The following CACNA1I variants were observed in gnomAD, a reference collection of about 807,000 sequenced individuals.
CACNA1I encodes voltage-dependent T-type calcium channel subunit alpha-1I.
In CACNA1I, 74 loss-of-function variants were observed where a neutral mutation model predicts 201.6. The ratio of observed to expected loss-of-function variants is 0.37; its 90% CI spans 0.30 to 0.45. The LOEUF (loss-of-function observed/expected upper bound fraction) is 0.45, where lower values mean the gene tolerates loss of function less well. Ranked by LOEUF, CACNA1I falls within the 20% of genes least tolerant of loss-of-function variation. CACNA1I has a pLI of 1.00. For missense variants in CACNA1I, 2,346 were observed against 3,138.1 expected (o/e 0.75, Z 6.03); for synonymous variants, 1,431 against 1,345.2 (o/e 1.06, Z -1.40).
rs942716634 is a variant in CACNA1I at position 39,652,044 on chromosome 22, T to TA, written c.1992+2119_1992+2120insA. ...AACCTCGGATCTGGTGGAGCCTTTT[T>TA]TTTTTTTGAGATGGAGTCTCACTCT... On this transcript the variant is annotated intron_variant, in intron 10 of 36. Transcript: ENST00000402142. Among the ~76,000 whole-genome samples, 546 of 151,580 alleles carry TA rather than the reference T, an allele frequency of 3.6e-3. 4 individuals are homozygous for TA. Among genetic ancestry groups the TA allele is most frequent in the African/African-American group, 0.013 (525 of 41,332 alleles).
Position 39,646,871 on chromosome 22 carries a change from C to T in CACNA1I, c.1452C>T (p.Pro484=). ...AACCTGGGCCCCACGCCAAGGAGCC[C>T]CGGCACTACCGTAAGTGGCCCTGCA... The part of the protein sequence containing the change: ...PAKPGPHAKE[P]RHYHGKTKGQ... Residue 484 remains proline, a synonymous_variant, in exon 8 of 37, where the codon CCC becomes CCT. Transcript: ENST00000402142. 1.3e-6 allele frequency: 2 copies of T among 1,502,054 alleles called. No homozygotes were observed. The highest frequency in any genetic ancestry group is 2.5e-5 in the East Asian group (1 of 40,492). 93.0% of individuals were successfully genotyped at this position (1,502,054 alleles called of 1,614,324 possible). A position where few individuals can be genotyped will look rare whatever the true frequency, so the allele number is the denominator to read the frequency against.
At chr22:39,641,248 C>A in intron 6 of CACNA1I, 66 bp downstream of exon 6, 1 of 1,410,192 alleles carries the variant, frequency 7.1e-7, no homozygotes, top group Non-Finnish European at 9.9e-7. Flanking sequence ...GTGGGCAGGG[C>A]TCTGTGCTAG....
Position 39,686,197 on chromosome 22 carries a change from G to A in CACNA1I, c.6464G>A (p.Ser2155Asn). ...PGLTPARKFSSTSSLAAPGRP... is the reference protein window; with the variant it reads ...PGLTPARKFSNTSSLAAPGRP... Reference sequence around the variant, plus strand: ...CTCACGCCCGCCAGGAAGTTCAGCAGCACCAGCAGCCTGGCCGCCCCCGGC... The same window carrying A: ...CTCACGCCCGCCAGGAAGTTCAGCAACACCAGCAGCCTGGCCGCCCCCGGC... Residue 2155 changes from serine to asparagine, a missense_variant, in exon 37 of 37, where the codon AGC (serine) becomes AAC (asparagine). Ser to Asn is a conservative substitution (Grantham distance 46, BLOSUM62 1). Transcript: ENST00000402142. 7.9e-7 allele frequency: 1 copy of A among 1,272,854 alleles called. No individual in the cohort carries two copies. Among genetic ancestry groups the A allele is most frequent in the Admixed American group, 3.6e-5 (1 of 27,624 alleles). 78.8% of individuals were successfully genotyped at this position (1,272,854 alleles called of 1,614,324 possible). A position where few individuals can be genotyped will look rare whatever the true frequency, so the allele number is the denominator to read the frequency against.
At chr22:39,592,087 G>C (rs1932829062) in intron 1 of CACNA1I, among the ~76,000 whole-genome samples, 1 of 152,218 alleles carries the variant, frequency 6.6e-6, no homozygotes, top group African/African-American at 2.4e-5. Flanking sequence ...TGAGGGCCCA[G>C]GCTGTGCTGA....
chr22:39,573,943 C>T (rs537532020), intron 1 of CACNA1I, among the ~76,000 whole-genome samples: 10 of 152,246 alleles, frequency 6.6e-5, no homozygotes, highest in African/African-American at 1.2e-4. Context: ...TTTTCAGTCC[C>T]GGGAGCTGCG....
Position 39,584,336 on chromosome 22 carries a change from T to C in CACNA1I, c.236+13348T>C, listed in dbSNP as rs887872946. Among the ~76,000 whole-genome samples the C allele has an allele frequency of 4.6e-5, 7 of 151,754 alleles. No individual in the cohort carries two copies. In the East Asian group the frequency reaches 1.4e-3, roughly 29 times the overall value. On this transcript the variant is annotated intron_variant, in intron 1 of 36. Transcript: ENST00000402142. ...GATGGGGGTGCATCCTTCATGGAGGTGGGACATGCTGGGGGAGAATTTAGT... is the reference window on the plus strand; with the variant it reads ...GATGGGGGTGCATCCTTCATGGAGGCGGGACATGCTGGGGGAGAATTTAGT...
In CACNA1I at chr22:39,684,391, A is replaced by G. The variant is rs1213965714; in HGVS notation, c.5920A>G (p.Lys1974Glu). 5 of 1,613,532 alleles carry G rather than the reference A, an allele frequency of 3.1e-6. No homozygotes were observed. The change falls in exon 36 of 37, where the codon AAA (lysine) becomes GAA (glutamate). Residue 1974 changes from lysine to glutamate, a missense_variant. Coordinates refer to ENST00000402142, the MANE Select transcript of CACNA1I (RefSeq NM_021096.4). This position sits in a 1 kb window ranked among gnomAD's most constrained non-coding sequence, Gnocchi z 4.6. ...FFHPAVSASQKGPEKGTGTGT... is the reference protein window; with the variant it reads ...FFHPAVSASQEGPEKGTGTGT... Reference sequence around the variant, plus strand: ...CCACCCTGCAGTGTCTGCCAGCCAGAAAGGCCCAGAAAAGGGCACTGGCAC... The same window carrying G: ...CCACCCTGCAGTGTCTGCCAGCCAGGAAGGCCCAGAAAAGGGCACTGGCAC...
chr22:39,664,196 C>A (rs372032938), intron 20 of CACNA1I, 37 bp downstream of exon 20: 23 of 1,567,308 alleles, frequency 1.5e-5, no homozygotes, highest in East Asian at 9.1e-5. Context: ...CTGCTAGCCC[C>A]AGCTCGGGCC....
chr22:39,626,156 A>C (rs1014144698), intron 4 of CACNA1I, among the ~76,000 whole-genome samples: 2 of 152,202 alleles, frequency 1.3e-5, no homozygotes, highest in African/African-American at 4.8e-5. Context: ...TTCTGGTCCC[A>C]GGGCCTCCAC....
At chr22:39,602,391 C>T (rs1188076499) in intron 3 of CACNA1I, among the ~76,000 whole-genome samples, 1 of 151,928 alleles carries the variant, frequency 6.6e-6, no homozygotes, top group Non-Finnish European at 1.5e-5. Context: ...CATCTTCTCT[C>T]AATCACTGTA....
At chr22:39,621,613 T>C (rs906088232) in intron 4 of CACNA1I, among the ~76,000 whole-genome samples, 2 of 152,168 alleles carry the variant, frequency 1.3e-5, no homozygotes, top group Non-Finnish European at 2.9e-5. Context: ...AGGGACTGGC[T>C]TGGCTTGGGT....
At chr22:39,639,643 T>C (rs1022208036) in intron 5 of CACNA1I, among the ~76,000 whole-genome samples, 1 of 152,202 alleles carries the variant, frequency 6.6e-6, no homozygotes, top group African/African-American at 2.4e-5. Context: ...AAAAAGTTTA[T>C]TTTTGTGTAT....
At chr22:39,663,664 T>C in intron 18 of CACNA1I, 54 bp from the exon 19 acceptor site, 3 of 1,606,570 alleles carry the variant, frequency 1.9e-6, no homozygotes, top group African/African-American at 1.3e-5. Context: ...GCCTTCCTTC[T>C]GGCCAGGGTG....
At chr22:39,606,778 C>T (rs1933233359) in intron 3 of CACNA1I, among the ~76,000 whole-genome samples, 1 of 152,196 alleles carries the variant, frequency 6.6e-6, no homozygotes, top group South Asian at 2.1e-4. Flanking sequence ...GTGATCCACC[C>T]TCCTCGGCCT....
In CACNA1I at chr22:39,659,127, C is replaced by G. The variant is rs1410493736; in HGVS notation, c.2330+11C>G. ...CATCTTCATCTTCAGGTGAGCCTGC[C>G]CTGCTGGGGGCCATACCTCAGCACC... On this transcript the variant is annotated intron_variant, in intron 12 of 36. Transcript: ENST00000402142. This position sits in a 1 kb window ranked among gnomAD's most constrained non-coding sequence, Gnocchi z 4.3. The G allele has an allele frequency of 1.9e-6, 3 of 1,611,270 alleles. No individual in the cohort carries two copies. Among genetic ancestry groups the G allele is most frequent in the African/African-American group, 1.3e-5 (1 of 74,886 alleles).
intron 4 of CACNA1I, 51 bp from the exon 5 acceptor site, chr22:39,634,514 C>G: frequency 6.3e-7 from 1 of 1,593,698 alleles, no homozygotes; most frequent in Non-Finnish European, 8.6e-7. Context: ...TCTTTCGTCT[C>G]TGGGACCTCT....
At chr22:39,592,100 C>T (rs1400428897) in intron 1 of CACNA1I, among the ~76,000 whole-genome samples, 12 of 152,160 alleles carry the variant, frequency 7.9e-5, no homozygotes, top group Non-Finnish European at 1.2e-4. Flanking sequence ...TGTGCTGAGG[C>T]GCTGGGGGGC....
intron 10 of CACNA1I, among the ~76,000 whole-genome samples, chr22:39,657,910 T>C (rs1199682585): frequency 1.3e-5 from 2 of 152,178 alleles, no homozygotes; most frequent in Admixed American, 6.5e-5. Context: ...ATTTCCAAAT[T>C]TGTGGAAGGT....
intron 3 of CACNA1I, among the ~76,000 whole-genome samples, chr22:39,604,430 T>C (rs1056322712): frequency 3.3e-5 from 5 of 152,162 alleles, no homozygotes; most frequent in African/African-American, 9.7e-5. Context: ...TGACATGCGA[T>C]GTGTGCGGTC....
Sources: allele counts gnomAD v4.1 joint callset (sites outside exome capture counted in the v4.1 genomes callset), GRCh38; gene constraint gnomAD v4.1.1; non-coding constraint Gnocchi (gnomAD v3.1); transcripts MANE v1.5; gene names NCBI Gene and HGNC (gene_info 2026-07-23, HGNC 2026-07-21).